MATN2: variants seen among roughly 807,000 people sequenced by gnomAD.
MATN2 encodes matrilin-2.
Under a neutral mutation model 103.2 loss-of-function variants are expected in MATN2, and 69 were observed. The ratio of observed to expected loss-of-function variants is 0.67; its 90% CI spans 0.55 to 0.82. The LOEUF (loss-of-function observed/expected upper bound fraction) is 0.82, where lower values mean the gene tolerates loss of function less well. MATN2 is among the 40% of genes least tolerant of loss of function. The pLI is 0.00. For synonymous variants in MATN2, 429 were observed against 450.2 expected (o/e 0.95, Z 0.60); for missense variants, 1,023 against 1,211.5 (o/e 0.84, Z 2.31).
rs141434410 is a variant in MATN2 at position 97,907,161 on chromosome 8, C to A, written c.142+18919C>A. 2.5e-4 allele frequency among the ~76,000 whole-genome samples: 38 copies of A among 149,986 alleles called. No homozygotes were observed. In the East Asian group the frequency reaches 6.3e-3, roughly 25 times the overall value. On this transcript the variant is annotated intron_variant, in intron 2 of 18. Transcript: ENST00000254898. Reference sequence around the variant, plus strand: ...GATAATAGGAGCCTGCCACCACACCCAACTAATTTTTGTATTTTTGGTAGA... The same window carrying A: ...GATAATAGGAGCCTGCCACCACACCAAACTAATTTTTGTATTTTTGGTAGA...
chr8:98,006,657 C>A (rs890952951), intron 8 of MATN2, among the ~76,000 whole-genome samples: 1 of 152,338 alleles, frequency 6.6e-6, no homozygotes, highest in Middle Eastern at 3.4e-3. Context: ...GGGAATTGCA[C>A]CTGCTCTCAG....
chr8:98,003,360 C>G (rs1034012547), intron 7 of MATN2, among the ~76,000 whole-genome samples: 3 of 152,088 alleles, frequency 2.0e-5, no homozygotes, highest in African/African-American at 7.2e-5. Flanking sequence ...CCCCAGGACT[C>G]AGTGAGGCCC....
chr8:97,972,879 G>A (rs551767890), intron 5 of MATN2, among the ~76,000 whole-genome samples: 1 of 152,326 alleles, frequency 6.6e-6, no homozygotes, highest in South Asian at 2.1e-4. Context: ...ATAAATGACT[G>A]AGAACAGATT....
In MATN2 at chr8:98,007,454, G is replaced by C; in HGVS notation, c.1451-25G>C. The C allele has an allele frequency of 6.2e-7, 1 of 1,604,742 alleles. No homozygotes were observed. Among genetic ancestry groups the C allele is most frequent in the Non-Finnish European group, 8.5e-7 (1 of 1,172,256 alleles). ...TCGCCCAGAGGTCTCACTGATAAAG[G>C]GCTGCCTGGCTTTTGGTTTTGCAGG... On this transcript the variant is annotated intron_variant, in intron 9 of 18. Transcript: ENST00000254898. This position sits in a 1 kb window ranked among gnomAD's most constrained non-coding sequence, Gnocchi z 4.2.
rs994574471 is a variant in MATN2, at chr8:97,982,030, C to G, written c.1081+3022C>G. Among the ~76,000 whole-genome samples, 2 of 152,218 alleles carry G rather than the reference C, an allele frequency of 1.3e-5. No homozygotes were observed. Among genetic ancestry groups the G allele is most frequent in the South Asian group, 4.1e-4 (2 of 4,830 alleles). ...AATCAAGATCCAGAAGTGGGCCGCC[C>G]CAATGCGTGTGCAGGGAAGAGTGCT... On this transcript the variant is annotated intron_variant, in intron 6 of 18. Transcript: ENST00000254898. This position sits in a 1 kb window ranked among gnomAD's most constrained non-coding sequence, Gnocchi z 4.3.
chr8:97,968,510 T>C (rs998932352), intron 5 of MATN2, among the ~76,000 whole-genome samples: 3 of 152,254 alleles, frequency 2.0e-5, no homozygotes, highest in African/African-American at 7.2e-5. Context: ...TAGGCTTGAA[T>C]GCTTTGCTGT....
intron 1 of MATN2, 126 bp from the exon 2 acceptor site, chr8:97,887,949 C>T (rs540698859): frequency 1.8e-5 from 15 of 843,616 alleles, no homozygotes; most frequent in African/African-American, 8.8e-5. Context: ...AACACACAAA[C>T]GGCATTTTGA....
intron 7 of MATN2, among the ~76,000 whole-genome samples, chr8:98,001,679 T>C (rs1812791835): frequency 6.6e-6 from 1 of 152,138 alleles, no homozygotes; most frequent in Admixed American, 6.5e-5. Flanking sequence ...GGTTTCACCA[T>C]GTTAGCCAGG....
chr8:97,875,506 A>G (rs1463061611), intron 1 of MATN2, among the ~76,000 whole-genome samples: 1 of 149,620 alleles, frequency 6.7e-6, no homozygotes, highest in Non-Finnish European at 1.5e-5. Context: ...AGCACTCTCC[A>G]CTGTCATGTA....
At chr8:98,002,506 T>C (rs553946167) in intron 7 of MATN2, among the ~76,000 whole-genome samples, 2 of 152,234 alleles carry the variant, frequency 1.3e-5, no homozygotes, top group East Asian at 1.9e-4. Context: ...TCTACATGCT[T>C]TGAGCCCAAG....
chr8:97,909,107 T>A (rs1039668284), intron 2 of MATN2, among the ~76,000 whole-genome samples: 3 of 152,132 alleles, frequency 2.0e-5, no homozygotes, highest in Non-Finnish European at 4.4e-5. Flanking sequence ...CCCAGATAAT[T>A]TTTTGTATTT....
intron 14 of MATN2, among the ~76,000 whole-genome samples, chr8:98,028,522 T>C (rs1813893531): frequency 6.6e-6 from 1 of 152,068 alleles, no homozygotes; most frequent in South Asian, 2.1e-4. Context: ...AGACAGTTTA[T>C]GGTGAAGTTT....
chr8:98,010,406 G>A (rs1018938967), intron 10 of MATN2, among the ~76,000 whole-genome samples: 8 of 152,166 alleles, frequency 5.3e-5, no homozygotes, highest in Non-Finnish European at 1.2e-4. Flanking sequence ...GGTTTAAATC[G>A]TGTCGCTTCT....
At chr8:98,016,052 T>C (rs541780856) in intron 10 of MATN2, among the ~76,000 whole-genome samples, 8 of 152,358 alleles carry the variant, frequency 5.3e-5, no homozygotes, top group African/African-American at 1.9e-4. Flanking sequence ...TGTATTCTCA[T>C]GTTTTTTGTT....
At chr8:97,997,431 T>C (rs934614808) in intron 7 of MATN2, among the ~76,000 whole-genome samples, 2 of 152,254 alleles carry the variant, frequency 1.3e-5, no homozygotes, top group African/African-American at 4.8e-5. Context: ...TGCACTCAGC[T>C]GGTATCAAAA....
chr8:97,983,824 CT>C (rs1430941956), intron 6 of MATN2, among the ~76,000 whole-genome samples: 2 of 152,120 alleles, frequency 1.3e-5, no homozygotes, highest in African/African-American at 2.4e-5. Flanking sequence ...AGGAAGTAAA[CT>C]TTTTAAAGTA....
chr8:97,889,207 C>T (rs746340739), intron 2 of MATN2, among the ~76,000 whole-genome samples: 5 of 151,834 alleles, frequency 3.3e-5, no homozygotes, highest in Non-Finnish European at 5.9e-5. Context: ...CAGTGGCATC[C>T]GAAATTACAA....
chr8:97,964,602 C>A (rs1372261984), intron 5 of MATN2, among the ~76,000 whole-genome samples: 1 of 151,670 alleles, frequency 6.6e-6, no homozygotes, highest in Non-Finnish European at 1.5e-5. Context: ...CTGTGCCCAG[C>A]TAATTTATTT....
chr8:98,018,955 AG>A (rs1485519430), intron 12 of MATN2, among the ~76,000 whole-genome samples: 8 of 151,718 alleles, frequency 5.3e-5, no homozygotes. Flanking sequence ...GAGTTTCGTT[AG>A]AAGGTGTATT....
Sources: gnomAD v4.1 joint callset for allele counts (sites outside exome capture counted in the v4.1 genomes callset) on GRCh38, gnomAD v4.1.1 for gene constraint, Gnocchi (gnomAD v3.1) non-coding constraint, MANE v1.5 for transcripts, NCBI Gene and HGNC (gene_info 2026-07-23, HGNC 2026-07-21) for gene names.